Variants in HIBADH observed in about 807,000 individuals in gnomAD.
HIBADH encodes 3-hydroxyisobutyrate dehydrogenase, mitochondrial.
A neutral mutation model predicts 36.1 loss-of-function variants in HIBADH; 25 were observed. The observed-to-expected ratio is 0.69, with a 90% CI of 0.50 to 0.97. The LOEUF (loss-of-function observed/expected upper bound fraction) is 0.97, where lower values mean the gene tolerates loss of function less well. HIBADH is among the 50% of genes least tolerant of loss of function. The pLI is 0.00. For synonymous variants in HIBADH, 160 were observed against 149.5 expected (o/e 1.07, Z -0.51); for missense variants, 421 against 418.0 (o/e 1.01, Z -0.06).
chr7:27,526,938 G>A (rs930274533), intron 7 of HIBADH, among the ~76,000 whole-genome samples: 6 of 152,134 alleles, frequency 3.9e-5, no homozygotes, highest in Admixed American at 1.3e-4. Flanking sequence ...AGGAAGCAGG[G>A]TCTGGGGTGC....
intron 2 of HIBADH, 49 bp from the exon 3 acceptor site, chr7:27,632,494 G>A (rs1299440718): frequency 3.3e-6 from 4 of 1,201,054 alleles, no homozygotes; most frequent in Middle Eastern, 4.0e-4. Context: ...AATGTAAGCA[G>A]TTTCTAGAGC....
At chr7:27,568,480 G>A (rs1413059618) in intron 4 of HIBADH, among the ~76,000 whole-genome samples, 1 of 151,694 alleles carries the variant, frequency 6.6e-6, no homozygotes, top group Non-Finnish European at 1.5e-5. Flanking sequence ...TTTTGAGACA[G>A]AGAGTCTCTC....
chr7:27,572,904 T>C (rs1408343044), intron 4 of HIBADH, among the ~76,000 whole-genome samples: 1 of 152,168 alleles, frequency 6.6e-6, no homozygotes, highest in African/African-American at 2.4e-5. Context: ...AGTTAAAATG[T>C]TCAAAATTCC....
chr7:27,563,270 G>A (rs541577471), intron 4 of HIBADH, among the ~76,000 whole-genome samples: 34 of 152,280 alleles, frequency 2.2e-4, no homozygotes, highest in African/African-American at 7.9e-4. Context: ...AATATTCCCT[G>A]TATGGAGGTT....
At chr7:27,615,170 A>G (rs931406595) in intron 4 of HIBADH, among the ~76,000 whole-genome samples, 1 of 152,190 alleles carries the variant, frequency 6.6e-6, no homozygotes, top group African/African-American at 2.4e-5. Flanking sequence ...TAAAATGGAT[A>G]CAAATGGAGT....
chr7:27,609,493 C>G (rs752286016), intron 4 of HIBADH, among the ~76,000 whole-genome samples: 16 of 152,072 alleles, frequency 1.1e-4, no homozygotes, highest in African/African-American at 3.4e-4. Flanking sequence ...AGAAAGGATA[C>G]TTTATGGATA....
At chr7:27,661,300 G>C (rs1786412402) in intron 1 of HIBADH, among the ~76,000 whole-genome samples, 1 of 152,142 alleles carries the variant, frequency 6.6e-6, no homozygotes, top group African/African-American at 2.4e-5. Context: ...AATTGTAAGA[G>C]AAAGTTCTTA....
intron 7 of HIBADH, 57 bp from the exon 8 acceptor site, chr7:27,526,429 C>A: frequency 1.4e-6 from 2 of 1,425,738 alleles, no homozygotes; most frequent in Non-Finnish European, 1.9e-6. Context: ...CTCTTTGGAA[C>A]TGTGGTTCCT....
rs544975273 is a variant in HIBADH, at chr7:27,651,407, T to C, written c.92-1774A>G. 1.2e-3 allele frequency among the ~76,000 whole-genome samples: 176 copies of C among 152,250 alleles called. 1 individual carries two copies. The highest frequency in any genetic ancestry group is 3.7e-3 in the African/African-American group (155 of 41,540). Reference sequence around the variant, plus strand: ...ACTGGTATAGTTTGTCTTTCTGGCCTGCAAGGAATTCAATGACAGAAAAGT... The same window carrying C: ...ACTGGTATAGTTTGTCTTTCTGGCCCGCAAGGAATTCAATGACAGAAAAGT... On this transcript the variant is annotated intron_variant, in intron 1 of 7. Coordinates refer to ENST00000265395, the MANE Select transcript of HIBADH (RefSeq NM_152740.4).
chr7:27,586,720 CTCT>C (rs965501341), intron 4 of HIBADH, among the ~76,000 whole-genome samples: 2 of 61,574 alleles, frequency 3.2e-5, no homozygotes, highest in African/African-American at 2.2e-4. Context: ...AGGGAAATCA[CTCT>C]TGTGAGGCGT....
rs191565156 is a variant in HIBADH at position 27,661,034 on chromosome 7, T to C, written c.91+1664A>G. Among the ~76,000 whole-genome samples, 418 of 152,358 alleles carry C rather than the reference T, an allele frequency of 2.7e-3. 3 individuals carry two copies. Among genetic ancestry groups the C allele is most frequent in the African/African-American group, 9.5e-3 (393 of 41,584 alleles). The stretch of plus-strand genomic sequence containing the variant: ...GGGAACTGAAAGAATTGTGAATTCA[T>C]GTGAAAACTGGTGCTACTGTGGAAA... On this transcript the variant is annotated intron_variant, in intron 1 of 7. Transcript: ENST00000265395.
chr7:27,604,428 T>A (rs1424950549), intron 4 of HIBADH, among the ~76,000 whole-genome samples: 4 of 9,246 alleles, frequency 4.3e-4, no homozygotes, highest in African/African-American at 1.3e-3. Flanking sequence ...TCAAATTTGA[T>A]TTTTTTTTTT....
intron 4 of HIBADH, among the ~76,000 whole-genome samples, chr7:27,549,283 C>G (rs1784280473): frequency 6.6e-6 from 1 of 152,038 alleles, no homozygotes; most frequent in Non-Finnish European, 1.5e-5. Context: ...GCTTTTATCA[C>G]AAAAATAGTA....
In HIBADH at chr7:27,620,826, T is replaced by C. The variant is rs1300889827; in HGVS notation, c.484+8545A>G. Among the ~76,000 whole-genome samples the C allele has an allele frequency of 2.0e-5, 3 of 151,642 alleles. No individual in the cohort carries two copies. In the East Asian group the frequency reaches 5.8e-4, roughly 29 times the overall value. On this transcript the variant is annotated intron_variant, in intron 4 of 7. Coordinates refer to ENST00000265395, the MANE Select transcript of HIBADH (RefSeq NM_152740.4). ...GAGAAAAGGAAAGAAACAAAATATA[T>C]AACACCATCAGAAAATAATTAACAA...
chr7:27,595,503 C>T (rs1466807754), intron 4 of HIBADH, among the ~76,000 whole-genome samples: 1 of 150,992 alleles, frequency 6.6e-6, no homozygotes, highest in Non-Finnish European at 1.5e-5. Flanking sequence ...TGACACTGCA[C>T]TCCAGCCTAG....
chr7:27,600,147 C>T (rs1242816465), intron 4 of HIBADH, among the ~76,000 whole-genome samples: 2 of 152,126 alleles, frequency 1.3e-5, no homozygotes, highest in East Asian at 3.9e-4. Flanking sequence ...ATCATCTCTC[C>T]TTCATGAAAA....
intron 1 of HIBADH, among the ~76,000 whole-genome samples, chr7:27,653,717 A>G (rs1269145062): frequency 6.6e-6 from 1 of 151,974 alleles, no homozygotes; most frequent in East Asian, 1.9e-4. Flanking sequence ...AGCCTGGGCG[A>G]CAATGTGAGA....
At chr7:27,551,695 G>A (rs1784322149) in intron 4 of HIBADH, among the ~76,000 whole-genome samples, 1 of 152,092 alleles carries the variant, frequency 6.6e-6, no homozygotes, top group Non-Finnish European at 1.5e-5. Flanking sequence ...GGGAAGAGAT[G>A]GAAAACTAAA....
Position 27,645,368 on chromosome 7 carries a change from A to ATGGTTTTT in HIBADH, c.252+4104_252+4105insAAAAACCA, listed in dbSNP as rs1554300959. ...CTAGTGGGTGTGTCTCATGGTTTTGATTTTTTTTTTTTTTTTTTTTTTTTT... is the reference window on the plus strand; with the variant it reads ...CTAGTGGGTGTGTCTCATGGTTTTGATGGTTTTTTTTTTTTTTTTTTTTTTTTTTTTTT... On this transcript the variant is annotated intron_variant, in intron 2 of 7. Transcript: ENST00000265395. Among the ~76,000 whole-genome samples, 31 of 59,652 alleles carry ATGGTTTTT rather than the reference A, an allele frequency of 5.2e-4. 1 individual carries two copies. Among genetic ancestry groups the ATGGTTTTT allele is most frequent in the African/African-American group, 1.8e-3 (29 of 15,862 alleles). The allele number at this position is 59,652 out of a possible 152,430, so 39.1% of individuals were successfully genotyped here.
Sources: allele counts gnomAD v4.1 joint callset (sites outside exome capture counted in the v4.1 genomes callset), GRCh38; gene constraint gnomAD v4.1.1; transcripts MANE v1.5; gene names NCBI Gene and HGNC (gene_info 2026-07-23, HGNC 2026-07-21).